MOB1B: variants seen among roughly 807,000 people sequenced by gnomAD.
MOB1B encodes MOB1 Mps One Binder homolog B.
MOB1B carries 19 observed loss-of-function variants against 24.4 expected under a neutral mutation model. The ratio of observed to expected loss-of-function variants is 0.78; its 90% CI spans 0.54 to 1.14. The LOEUF (loss-of-function observed/expected upper bound fraction) is 1.14, where lower values mean the gene tolerates loss of function less well. MOB1B is among the 50% of genes most tolerant of loss of function. MOB1B has a pLI of 0.00. For missense variants in MOB1B, 243 were observed against 259.6 expected, an observed-to-expected ratio of 0.94 and a Z score of 0.44; for synonymous variants, 76 against 82.1, an observed-to-expected ratio of 0.93 and a Z score of 0.40.
In MOB1B at chr4:70,915,176, T is replaced by C. The variant is rs570657428; in HGVS notation, c.14+12626T>C. Among the ~76,000 whole-genome samples, 7 of 152,358 alleles carry C rather than the reference T, an allele frequency of 4.6e-5. No individual in the cohort carries two copies. In the South Asian group the frequency reaches 1.4e-3, roughly 32 times the overall value. ...GCCAATTTCTATCGGTTTGTTATGG[T>C]ATGTGTTAGTGCTATTTTGATATTC... is the stretch of plus-strand genomic sequence containing the variant. On this transcript the variant is annotated intron_variant, in intron 1 of 5. Coordinates refer to ENST00000309395, the MANE Select transcript of MOB1B (RefSeq NM_173468.4).
intron 2 of MOB1B, among the ~76,000 whole-genome samples, chr4:70,963,523 A>C (rs1287478557): frequency 6.6e-6 from 1 of 152,046 alleles, no homozygotes; most frequent in Non-Finnish European, 1.5e-5. Context: ...AAATGGTCCA[A>C]CACAAAAGTT....
chr4:70,982,253 A>G lies in MOB1B; in HGVS notation c.*196A>G, dbSNP rs368535604. On this transcript the variant is annotated 3_prime_UTR_variant, in exon 6 of 6. Transcript: ENST00000309395. Reference sequence around the variant, plus strand: ...TAGGGGAAGCCAAGAACCATTCTCTATACACTTGATAAGGGTAAATTTATC... The same window carrying G: ...TAGGGGAAGCCAAGAACCATTCTCTGTACACTTGATAAGGGTAAATTTATC... The G allele has an allele frequency of 3.4e-5, 15 of 443,306 alleles. No individual in the cohort carries two copies. Among genetic ancestry groups the G allele is most frequent in the South Asian group, 3.0e-4 (7 of 23,568 alleles). The allele number at this position is 443,306 out of a possible 1,614,324, so 27.5% of individuals were successfully genotyped here.
chr4:70,916,226 T>C (rs1219867352), intron 1 of MOB1B, among the ~76,000 whole-genome samples: 2 of 152,224 alleles, frequency 1.3e-5, no homozygotes, highest in African/African-American at 2.4e-5. Context: ...ATTTAGGGCC[T>C]TAGTATCACT....
chr4:70,955,200 G>T (rs1334366391), intron 1 of MOB1B, among the ~76,000 whole-genome samples: 6 of 152,230 alleles, frequency 3.9e-5, no homozygotes, highest in Non-Finnish European at 7.3e-5. Context: ...GACTCTGGGG[G>T]AGGTGAGGCT....
intron 1 of MOB1B, among the ~76,000 whole-genome samples, chr4:70,951,583 A>C (rs1737805742): frequency 6.6e-6 from 1 of 152,238 alleles, no homozygotes; most frequent in Admixed American, 6.5e-5. Flanking sequence ...AATATGTAAT[A>C]CATCATTCAC....
intron 1 of MOB1B, among the ~76,000 whole-genome samples, chr4:70,931,334 A>G (rs1736882413): frequency 1.3e-5 from 2 of 152,258 alleles, no homozygotes; most frequent in South Asian, 4.1e-4. Context: ...AATCAGGCTC[A>G]AAGAGGTAGG....
chr4:70,902,219 G>A, upstream of MOB1B: 3 of 528,220 alleles, frequency 5.7e-6, no homozygotes, highest in South Asian at 6.2e-5. Context: ...GGCCGGGGTG[G>A]GCTTGCACCG....
chr4:70,950,794 T>C, intron 1 of MOB1B: 3 of 1,526,962 alleles, frequency 2.0e-6, no homozygotes, highest in Non-Finnish European at 2.6e-6. Flanking sequence ...TGGAAGGAGC[T>C]ACTGATGTGA....
At chr4:70,903,323 T>G (rs1735596689) in intron 1 of MOB1B, among the ~76,000 whole-genome samples, 1 of 152,212 alleles carries the variant, frequency 6.6e-6, no homozygotes, top group Non-Finnish European at 1.5e-5. Flanking sequence ...AAATGCCAAC[T>G]TTGGCGTCAT....
chr4:70,954,010 C>T (rs895853381), intron 1 of MOB1B, among the ~76,000 whole-genome samples: 1 of 152,220 alleles, frequency 6.6e-6, no homozygotes, highest in South Asian at 2.1e-4. Context: ...GATTTCCAGT[C>T]TAACCCTAAG....
chr4:70,905,502 C>T (rs1713886083), intron 1 of MOB1B, among the ~76,000 whole-genome samples: 1 of 152,132 alleles, frequency 6.6e-6, no homozygotes, highest in South Asian at 2.1e-4. Flanking sequence ...CTTTGCCTTC[C>T]AAGATGCTGA....
At chr4:70,912,471 G>A (rs1736030299) in intron 1 of MOB1B, among the ~76,000 whole-genome samples, 1 of 151,638 alleles carries the variant, frequency 6.6e-6, no homozygotes. Flanking sequence ...GTAGAGATGG[G>A]GTTTCACCAT....
At chr4:70,944,097 C>T (rs1044800461) in intron 1 of MOB1B, among the ~76,000 whole-genome samples, 3 of 151,932 alleles carry the variant, frequency 2.0e-5, no homozygotes, top group Non-Finnish European at 4.4e-5. Context: ...CACCTAGTTG[C>T]AATCTTGGCT....
chr4:70,971,251 C>A (rs879580805), intron 3 of MOB1B, among the ~76,000 whole-genome samples: 2 of 152,130 alleles, frequency 1.3e-5, no homozygotes, highest in Admixed American at 1.3e-4. Flanking sequence ...GCCTATAATC[C>A]CAGCACTTTG....
intron 1 of MOB1B, among the ~76,000 whole-genome samples, chr4:70,956,807 A>G (rs1738072749): frequency 2.0e-5 from 3 of 152,148 alleles, no homozygotes. Flanking sequence ...GTTTAATTCT[A>G]ATTAAACACC....
Position 70,979,086 on chromosome 4 carries a change from T to C in MOB1B, c.410-42T>C, listed in dbSNP as rs1739105649. 2.5e-5 allele frequency: 38 copies of C among 1,526,582 alleles called. No individual in the cohort carries two copies. In the East Asian group the frequency reaches 7.9e-4, roughly 32 times the overall value. 94.6% of individuals were successfully genotyped at this position (1,526,582 alleles called of 1,614,324 possible). A position where few individuals can be genotyped will look rare whatever the true frequency, so the allele number is the denominator to read the frequency against. On this transcript the variant is annotated intron_variant, in intron 4 of 5. Transcript: ENST00000309395. The stretch of plus-strand genomic sequence containing the variant: ...TGCCGACAAACTCATTGTCTTGTTG[T>C]CATCTCTTGTTACTAGAGGGAGTTG...
intron 1 of MOB1B, among the ~76,000 whole-genome samples, chr4:70,919,745 C>T (rs769941864): frequency 4.5e-4 from 69 of 152,132 alleles, no homozygotes; most frequent in Non-Finnish European, 7.4e-4. Context: ...GTGATCAGCC[C>T]GCCTCGGCCT....
chr4:70,962,238 A>G (rs766957316), intron 2 of MOB1B, among the ~76,000 whole-genome samples: 68 of 152,258 alleles, frequency 4.5e-4, no homozygotes, highest in Admixed American at 1.7e-3. Context: ...TCTTGCATTC[A>G]TCACTGTAGT....
chr4:70,945,162 A>G (rs1319170002), intron 1 of MOB1B, among the ~76,000 whole-genome samples: 1 of 152,222 alleles, frequency 6.6e-6, no homozygotes, highest in Non-Finnish European at 1.5e-5. Flanking sequence ...ATGTGATTGC[A>G]CACTACATAT....
Sources: allele counts gnomAD v4.1 joint callset (sites outside exome capture counted in the v4.1 genomes callset), GRCh38; gene constraint gnomAD v4.1.1; transcripts MANE v1.5; gene names NCBI Gene and HGNC (gene_info 2026-07-23, HGNC 2026-07-21).